The following PIP4K2A variants were observed in gnomAD, a reference collection of about 807,000 sequenced individuals.
The protein encoded by PIP4K2A is phosphatidylinositol-5-phosphate 4-kinase type 2 alpha.
Under a neutral mutation model 42.9 loss-of-function variants are expected in PIP4K2A, and 14 were observed. That is an observed-to-expected ratio of 0.33 (90% confidence interval 0.22 to 0.51). The LOEUF (loss-of-function observed/expected upper bound fraction) is 0.51. Among genes scored for constraint, PIP4K2A ranks in the 20% least tolerant of loss-of-function variants. PIP4K2A has a pLI of 0.97. For synonymous variants in PIP4K2A, 192 were observed against 192.2 expected, an observed-to-expected ratio of 1.00 and a Z score of 0.01; for missense variants, 434 against 519.8, an observed-to-expected ratio of 0.83 and a Z score of 1.61.
chr10:22,610,579 C>T (rs904734700), intron 1 of PIP4K2A, among the ~76,000 whole-genome samples: 21 of 152,094 alleles, frequency 1.4e-4, no homozygotes, highest in African/African-American at 5.1e-4. Context: ...CTTGATAGAG[C>T]TATTTGTTTT....
rs150522590 is a variant in PIP4K2A, at chr10:22,585,548, T to C, written c.492+6081A>G. 1.8e-3 allele frequency among the ~76,000 whole-genome samples: 269 copies of C among 152,246 alleles called. 1 individual carries two copies. Among genetic ancestry groups the C allele is most frequent in the African/African-American group, 6.4e-3 (265 of 41,548 alleles). ...TTGATCACCTATATTGCAGCTTCCC[T>C]CGGGTTACATTCTAAGTCCTATACA... On this transcript the variant is annotated intron_variant, in intron 4 of 9. Coordinates refer to ENST00000376573, the MANE Select transcript of PIP4K2A (RefSeq NM_005028.5).
chr10:22,539,935 GAGAA>G (rs2130737882), intron 9 of PIP4K2A, 32 bp downstream of exon 9: 2 of 1,109,796 alleles, frequency 1.8e-6, no homozygotes, highest in South Asian at 1.2e-5. Context: ...GAGAGAGGGA[GAGAA>G]AGAGAGAAGG....
chr10:22,664,228 TACACACACAC>T (rs370820884), intron 1 of PIP4K2A, among the ~76,000 whole-genome samples: 1 of 89,856 alleles, frequency 1.1e-5, no homozygotes, highest in East Asian at 2.7e-4. Context: ...CATATATATA[TACACACACAC>T]ACACACACAC....
chr10:22,664,088 T>TAC (rs1459541372), intron 1 of PIP4K2A, among the ~76,000 whole-genome samples: 9 of 72,898 alleles, frequency 1.2e-4, no homozygotes, highest in African/African-American at 8.9e-4. Context: ...TATATATATA[T>TAC]ACATATATAT....
At chr10:22,680,173 G>A (rs1839632285) in intron 1 of PIP4K2A, among the ~76,000 whole-genome samples, 2 of 151,912 alleles carry the variant, frequency 1.3e-5, no homozygotes, top group Non-Finnish European at 2.9e-5. Flanking sequence ...GAATTATGTG[G>A]ATTTTTAAAT....
intron 1 of PIP4K2A, among the ~76,000 whole-genome samples, chr10:22,670,238 G>A (rs1338600854): frequency 6.6e-6 from 1 of 152,142 alleles, no homozygotes. Flanking sequence ...AATTAGTCAG[G>A]CATGGTGGTG....
At chr10:22,701,555 G>A (rs754753038) in intron 1 of PIP4K2A, among the ~76,000 whole-genome samples, 1 of 152,168 alleles carries the variant, frequency 6.6e-6, no homozygotes, top group Non-Finnish European at 1.5e-5. Flanking sequence ...TCCCCTCACA[G>A]ATCCATCCCT....
Position 22,585,986 on chromosome 10 carries a change from C to G in PIP4K2A, c.492+5643G>C, listed in dbSNP as rs532270016. Among the ~76,000 whole-genome samples the G allele has an allele frequency of 3.3e-5, 5 of 152,184 alleles. No homozygotes were observed. The East Asian group carries it at 7.7e-4, about 23-fold the overall frequency. On this transcript the variant is annotated intron_variant, in intron 4 of 9. Transcript: ENST00000376573. Reference sequence around the variant, plus strand: ...AGTGCGGGGAAAAAAAAAATTCAGTCGATTTAAGATAAAAAGATATTCAAG... The same window carrying G: ...AGTGCGGGGAAAAAAAAAATTCAGTGGATTTAAGATAAAAAGATATTCAAG...
chr10:22,633,982 C>T (rs1236502258), intron 1 of PIP4K2A, among the ~76,000 whole-genome samples: 1 of 152,176 alleles, frequency 6.6e-6, no homozygotes, highest in East Asian at 1.9e-4. Flanking sequence ...CATCACTGTC[C>T]CCAGAGGGCT....
At chr10:22,644,827 C>G (rs1838848735) in intron 1 of PIP4K2A, among the ~76,000 whole-genome samples, 1 of 152,134 alleles carries the variant, frequency 6.6e-6, no homozygotes, top group South Asian at 2.1e-4. Flanking sequence ...CATAAATATT[C>G]AATAAATAAA....
chr10:22,538,966 A>T (rs976481792), intron 9 of PIP4K2A, among the ~76,000 whole-genome samples: 1 of 152,138 alleles, frequency 6.6e-6, no homozygotes, highest in Admixed American at 6.5e-5. Context: ...GTTCTGGTGA[A>T]TCTTCATTAG....
At chr10:22,697,171 G>C (rs1474550657) in intron 1 of PIP4K2A, among the ~76,000 whole-genome samples, 1 of 150,626 alleles carries the variant, frequency 6.6e-6, no homozygotes, top group East Asian at 1.9e-4. Flanking sequence ...TGTATGTTAA[G>C]TAAAAATTAA....
At chr10:22,619,786 A>G (rs1354451465) in intron 1 of PIP4K2A, among the ~76,000 whole-genome samples, 1 of 152,194 alleles carries the variant, frequency 6.6e-6, no homozygotes, top group Admixed American at 6.5e-5. Context: ...CTATCTGCAG[A>G]TAAGACAAAA....
chr10:22,707,021 G>A (rs530376313), intron 1 of PIP4K2A, among the ~76,000 whole-genome samples: 4 of 152,172 alleles, frequency 2.6e-5, no homozygotes, highest in African/African-American at 9.6e-5. Context: ...GGTGGCTCAA[G>A]GCTCTATTTC....
At chr10:22,541,609 GA>G (rs1252061860) in intron 8 of PIP4K2A, among the ~76,000 whole-genome samples, 194 bp downstream of exon 8, 1 of 152,044 alleles carries the variant, frequency 6.6e-6, no homozygotes, top group African/African-American at 2.4e-5. Context: ...TCAAAGGTCC[GA>G]TCGCCTTATG....
At chr10:22,612,366 C>T (rs564073636) in intron 1 of PIP4K2A, among the ~76,000 whole-genome samples, 1 of 152,192 alleles carries the variant, frequency 6.6e-6, no homozygotes. Context: ...ATGGGGGAGG[C>T]ATGTGAGGCT....
intron 7 of PIP4K2A, among the ~76,000 whole-genome samples, chr10:22,545,283 G>T (rs1021050707): frequency 6.6e-6 from 1 of 152,232 alleles, no homozygotes; most frequent in African/African-American, 2.4e-5. Flanking sequence ...TGCAAAGGAA[G>T]CGCAAGGTGA....
chr10:22,603,085 A>T (rs1426408758), intron 3 of PIP4K2A, among the ~76,000 whole-genome samples: 3 of 152,240 alleles, frequency 2.0e-5, no homozygotes, highest in Non-Finnish European at 4.4e-5. Flanking sequence ...TTTATTTCTA[A>T]ACTTGAAATA....
intron 6 of PIP4K2A, among the ~76,000 whole-genome samples, chr10:22,551,384 G>T (rs1588619666): frequency 6.6e-6 from 1 of 152,030 alleles, no homozygotes; most frequent in South Asian, 2.1e-4. Context: ...AAAGAAAAAG[G>T]GTCTTCTCTT....
Sources: allele counts gnomAD v4.1 joint callset (sites outside exome capture counted in the v4.1 genomes callset), GRCh38; gene constraint gnomAD v4.1.1; transcripts MANE v1.5; gene names NCBI Gene and HGNC (gene_info 2026-07-23, HGNC 2026-07-21).